Variants in MAP3K15 observed in about 807,000 individuals in gnomAD.
MAP3K15 encodes mitogen-activated protein kinase kinase kinase 15.
In MAP3K15, 124 loss-of-function variants were observed where a neutral mutation model predicts 99.5. The observed-to-expected ratio is 1.25, with a 90% CI of 1.08 to 1.45. The LOEUF (loss-of-function observed/expected upper bound fraction) is 1.45, where lower values mean the gene tolerates loss of function less well. Ranked by LOEUF, MAP3K15 falls within the 40% of genes most tolerant of loss-of-function variation. The pLI is 0.00. For synonymous variants in MAP3K15, 494 were observed against 439.6 expected, an observed-to-expected ratio of 1.12 and a Z score of -1.55; for missense variants, 1,242 against 1,079.7, an observed-to-expected ratio of 1.15 and a Z score of -2.11.
chrX:19,501,691 A>C (rs780100124), intron 1 of MAP3K15, among the ~76,000 whole-genome samples: 1 of 112,316 alleles, frequency 8.9e-6, no homozygotes, highest in East Asian at 2.8e-4. Context: ...GCAATCACTC[A>C]AACAGTGGCA....
chrX:19,369,353 T>G (rs1156411285), intron 24 of MAP3K15, 134 bp from the exon 25 acceptor site: 11 of 654,289 alleles, frequency 1.7e-5, no homozygotes, highest in Non-Finnish European at 2.6e-5. Flanking sequence ...AGGGGACTGC[T>G]GACTTTACAA....
At chrX:19,461,950 G>A (rs895729014) in intron 4 of MAP3K15, among the ~76,000 whole-genome samples, 6 of 109,496 alleles carry the variant, frequency 5.5e-5, no homozygotes, top group Admixed American at 3.9e-4. Context: ...GAGATCGCAC[G>A]ACTGCACTCC....
Position 19,372,801 on chromosome X carries a change from T to A in MAP3K15, c.2960A>T (p.Glu987Val), listed in dbSNP as rs761416092. The change falls in exon 22 of 29, where the codon GAA becomes GTA. Residue 987 changes from glutamate to valine, a missense_variant. Glu to Val is a moderately radical substitution (Grantham distance 121). Transcript: ENST00000338883. ...LSVPDESSAL[E>V]DRGLASSPED... is the part of the protein sequence containing the mutation. Reference sequence around the variant, plus strand: ...CGGGGACGAGGCCAAGCCCCGGTCTTCCAAGGCTGAGCTCTCGTCTGGAAC... The same window carrying A: ...CGGGGACGAGGCCAAGCCCCGGTCTACCAAGGCTGAGCTCTCGTCTGGAAC... The A allele has an allele frequency of 2.5e-6, 3 of 1,209,982 alleles. No homozygotes were observed. The South Asian group carries it at 5.3e-5, about 21-fold the overall frequency.
chrX:19,445,589 CAAAA>C (rs764600771), intron 6 of MAP3K15, among the ~76,000 whole-genome samples: 2 of 38,502 alleles, frequency 5.2e-5, no homozygotes, highest in African/African-American at 1.4e-4. Context: ...GACTCTGTCT[CAAAA>C]AAAAAAAAAA....
At chrX:19,372,182 T>C (rs868269784) in intron 22 of MAP3K15, among the ~76,000 whole-genome samples, 26 of 105,599 alleles carry the variant, frequency 2.5e-4, no homozygotes, top group African/African-American at 8.6e-4. Flanking sequence ...ACTGAAATAA[T>C]GGAGGGGAAT....
chrX:19,395,327 T>A (rs1240152566), intron 15 of MAP3K15, 119 bp from the exon 16 acceptor site: 3 of 709,801 alleles, frequency 4.2e-6, no homozygotes, highest in African/African-American at 4.3e-5. Flanking sequence ...AACTTTCTTT[T>A]CTCTGGCTTC....
At chrX:19,469,785 A>C (rs1442680616) in intron 3 of MAP3K15, among the ~76,000 whole-genome samples, 2 of 110,958 alleles carry the variant, frequency 1.8e-5, no homozygotes, top group Non-Finnish European at 3.8e-5. Flanking sequence ...ATGCAGCCAA[A>C]AGACACATGA....
In MAP3K15 at chrX:19,374,509, C is replaced by T. The variant is rs764876979; in HGVS notation, c.2741G>A (p.Gly914Asp). 4.5e-5 allele frequency: 55 copies of T among 1,209,456 alleles called. No individual in the cohort carries two copies. The highest frequency in any genetic ancestry group is 5.7e-5 in the Non-Finnish European group (51 of 895,066). Residue 914 changes from glycine (G) to aspartate (D), a missense_variant, in exon 20 of 29, where the codon GGC becomes GAC. Transcript: ENST00000338883. ...CTTGAAGGCAATTCGGTTCTTCTTGCCCTTGTTCACCTGCCTTAAGAAACC... is the reference window on the plus strand; with the variant it reads ...CTTGAAGGCAATTCGGTTCTTCTTGTCCTTGTTCACCTGCCTTAAGAAACC... ...REGFLRQVNK[G>D]KKNRIAFKPS...
chrX:19,489,077 C>A, intron 1 of MAP3K15, 110 bp from the exon 2 acceptor site: 1 of 703,008 alleles, frequency 1.4e-6, no homozygotes, highest in Non-Finnish European at 2.1e-6. Context: ...CTGTCATCAG[C>A]CTGTTAGGTA....
chrX:19,504,588 T>C (rs2064462993), intron 1 of MAP3K15, among the ~76,000 whole-genome samples: 1 of 111,865 alleles, frequency 8.9e-6, no homozygotes, highest in Non-Finnish European at 1.9e-5. Context: ...AACCATTTCA[T>C]ATCTTTTGTT....
chrX:19,431,309 A>G, intron 7 of MAP3K15, 129 bp downstream of exon 7: 1 of 605,042 alleles, frequency 1.7e-6, no homozygotes, highest in Admixed American at 4.2e-5. Flanking sequence ...CCCAGACCAC[A>G]TTTACTACAA....
intron 11 of MAP3K15, among the ~76,000 whole-genome samples, chrX:19,413,134 A>G (rs1259652935): frequency 9.2e-6 from 1 of 108,945 alleles, no homozygotes; most frequent in Non-Finnish European, 1.9e-5. Context: ...ACACACACAC[A>G]CACACACACT....
At chrX:19,389,029 A>G (rs571188699) in intron 18 of MAP3K15, among the ~76,000 whole-genome samples, 3 of 111,441 alleles carry the variant, frequency 2.7e-5, no homozygotes, top group South Asian at 7.4e-4. Context: ...AACGTGCAAG[A>G]AGCTACATGC....
chrX:19,491,650 C>T (rs2064369528), intron 1 of MAP3K15, among the ~76,000 whole-genome samples: 1 of 110,806 alleles, frequency 9.0e-6, no homozygotes, highest in African/African-American at 3.3e-5. Flanking sequence ...GCTGGACCTT[C>T]CTTGAGGCAA....
chrX:19,507,310 G>A (rs1478168497), intron 1 of MAP3K15, among the ~76,000 whole-genome samples: 3 of 110,474 alleles, frequency 2.7e-5, no homozygotes, highest in Non-Finnish European at 3.8e-5. Context: ...AGTATGAGAC[G>A]AAGTCACACA....
At chrX:19,468,544 T>C (rs185745352) in intron 3 of MAP3K15, among the ~76,000 whole-genome samples, 1 of 111,768 alleles carries the variant, frequency 8.9e-6, no homozygotes, top group African/African-American at 3.2e-5. Flanking sequence ...CTACTGTCAT[T>C]CCTGGGTGAG....
At chrX:19,451,840 G>T (rs931563070) in intron 6 of MAP3K15, among the ~76,000 whole-genome samples, 1 of 108,960 alleles carries the variant, frequency 9.2e-6, no homozygotes, top group East Asian at 2.9e-4. Flanking sequence ...GAGATAGGTG[G>T]ATCACTTGAG....
chrX:19,502,766 G>A (rs2064449003), intron 1 of MAP3K15, among the ~76,000 whole-genome samples: 2 of 112,222 alleles, frequency 1.8e-5, no homozygotes, highest in South Asian at 3.7e-4. Flanking sequence ...AGGTTGCGGC[G>A]AGCCAAGGTT....
intron 6 of MAP3K15, among the ~76,000 whole-genome samples, chrX:19,439,367 A>ATTATATTCTATAATATTCT (rs1290817296): frequency 6.3e-5 from 7 of 111,961 alleles, no homozygotes; most frequent in Non-Finnish European, 1.3e-4. Flanking sequence ...AGAACGGCCT[A>ATTATATTCTATAATATTCT]ACACAGGGAT....
Sources: gnomAD v4.1 joint callset for allele counts (sites outside exome capture counted in the v4.1 genomes callset) on GRCh38, gnomAD v4.1.1 for gene constraint, MANE v1.5 for transcripts, NCBI Gene and HGNC (gene_info 2026-07-23, HGNC 2026-07-21) for gene names.